PIK3CB: variants seen among roughly 807,000 people sequenced by gnomAD.
PIK3CB encodes the protein phosphatidylinositol 4,5-bisphosphate 3-kinase catalytic subunit beta isoform.
PIK3CB carries 39 observed loss-of-function variants against 136.8 expected under a neutral mutation model. The observed-to-expected ratio is 0.29, with a 90% CI of 0.22 to 0.37. PIK3CB has a LOEUF of 0.37. PIK3CB is among the 10% of genes least tolerant of loss of function. The pLI is 1.00. For synonymous variants in PIK3CB, 428 were observed against 436.6 expected (o/e 0.98, Z 0.25); for missense variants, 868 against 1,275.4 (o/e 0.68, Z 4.87).
At chr3:138,784,254 C>T (rs1204472292) in intron 2 of PIK3CB, among the ~76,000 whole-genome samples, 2 of 152,154 alleles carry the variant, frequency 1.3e-5, no homozygotes, top group African/African-American at 4.8e-5. Flanking sequence ...GGTGCAGTGG[C>T]ATGCACCTGT....
chr3:138,693,409 T>A (rs575886211), intron 14 of PIK3CB, among the ~76,000 whole-genome samples: 90 of 152,106 alleles, frequency 5.9e-4, no homozygotes, highest in Non-Finnish European at 7.9e-4. Context: ...TATTATTATT[T>A]TTTTTTGGAG....
At chr3:138,809,227 GA>G (rs1272115982) in intron 1 of PIK3CB, among the ~76,000 whole-genome samples, 91 of 151,258 alleles carry the variant, frequency 6.0e-4, no homozygotes, top group Non-Finnish European at 1.5e-5. Flanking sequence ...GCAGTGAACC[GA>G]GACTGCGCCA....
intron 8 of PIK3CB, among the ~76,000 whole-genome samples, chr3:138,715,855 T>G (rs942008137): frequency 6.6e-6 from 1 of 151,894 alleles, no homozygotes; most frequent in Non-Finnish European, 1.5e-5. Flanking sequence ...AAAAAAAAGA[T>G]GACTGACTTA....
At chr3:138,766,710 G>A (rs2045736717) in intron 2 of PIK3CB, among the ~76,000 whole-genome samples, 1 of 152,138 alleles carries the variant, frequency 6.6e-6, no homozygotes, top group Non-Finnish European at 1.5e-5. Context: ...CACATTCAAA[G>A]TATCAATTGA....
chr3:138,792,507 G>A (rs533848722), intron 2 of PIK3CB, among the ~76,000 whole-genome samples: 71 of 152,214 alleles, frequency 4.7e-4, no homozygotes, highest in African/African-American at 1.7e-3. Context: ...CCAAGTAGGC[G>A]GAACTGCAGG....
chr3:138,830,379 G>C (rs1933973081), intron 1 of PIK3CB, among the ~76,000 whole-genome samples: 1 of 151,944 alleles, frequency 6.6e-6, no homozygotes, highest in African/African-American at 2.4e-5. Context: ...GTGAAACCCT[G>C]TCTCTACTAA....
At chr3:138,805,932 G>A (rs1008335748) in intron 1 of PIK3CB, among the ~76,000 whole-genome samples, 19 of 151,528 alleles carry the variant, frequency 1.3e-4, no homozygotes, top group Non-Finnish European at 1.2e-4. Flanking sequence ...GTTTCACCAC[G>A]TTGGTCAGGA....
At chr3:138,662,176 AT>A (rs1358589378) in intron 21 of PIK3CB, among the ~76,000 whole-genome samples, 1 of 146,840 alleles carries the variant, frequency 6.8e-6, no homozygotes, top group Non-Finnish European at 1.5e-5. Flanking sequence ...TTAGTTACAT[AT>A]GTATACATGT....
intron 1 of PIK3CB, among the ~76,000 whole-genome samples, chr3:138,818,888 AG>A (rs1323364883): frequency 6.6e-6 from 1 of 152,226 alleles, no homozygotes. Context: ...GAGAAATAAA[AG>A]GAATATAACT....
intron 8 of PIK3CB, among the ~76,000 whole-genome samples, chr3:138,718,538 T>C (rs1011184027): frequency 3.9e-5 from 6 of 152,218 alleles, no homozygotes; most frequent in Admixed American, 1.3e-4. Flanking sequence ...CACTTGTCAA[T>C]TTTTGCTTTT....
Position 138,826,091 on chromosome 3 carries a change from T to C in PIK3CB, c.-122+8604A>G. 3.8e-6 allele frequency: 4 copies of C among 1,064,782 alleles called. No individual in the cohort carries two copies. In the East Asian group the frequency reaches 1.0e-4, roughly 27 times the overall value. 66.0% of individuals were successfully genotyped at this position (1,064,782 alleles called of 1,614,324 possible). A position where few individuals can be genotyped will look rare whatever the true frequency, so the allele number is the denominator to read the frequency against. ...GAAGGAAAAAGATTGATCACCATTCTAGTAAGAAGCTGGAAGATGGCCCTA... is the reference window on the plus strand; with the variant it reads ...GAAGGAAAAAGATTGATCACCATTCCAGTAAGAAGCTGGAAGATGGCCCTA... On this transcript the variant is annotated intron_variant, in intron 1 of 23. Transcript: ENST00000674063.
intron 10 of PIK3CB, among the ~76,000 whole-genome samples, chr3:138,708,059 T>A (rs2044414365): frequency 6.6e-6 from 1 of 152,128 alleles, no homozygotes; most frequent in African/African-American, 2.4e-5. Context: ...TCTTTTCTTA[T>A]ACTGACTGTA....
chr3:138,675,799 T>C (rs550597229), intron 19 of PIK3CB, among the ~76,000 whole-genome samples: 28 of 152,292 alleles, frequency 1.8e-4, no homozygotes, highest in African/African-American at 6.5e-4. Flanking sequence ...AAACTTATTA[T>C]TAATTTACAG....
rs1296137850 is a variant in PIK3CB at position 138,655,533 on chromosome 3, T to C, written c.3076-7A>G. 9 of 1,602,896 alleles carry C rather than the reference T, an allele frequency of 5.6e-6. No individual in the cohort carries two copies. In the East Asian group the frequency reaches 6.7e-5, roughly 12 times the overall value. On this transcript the variant is annotated splice_region_variant and splice_polypyrimidine_tract_variant and intron_variant, in intron 23 of 23. Transcript: ENST00000674063. ...TCCCTAATGCAAGAGAGTCCTAAAA[T>C]GGAAGGGGGAAAATATGATTTTATA...
chr3:138,686,831 T>C (rs768683307), intron 16 of PIK3CB, among the ~76,000 whole-genome samples: 1 of 152,162 alleles, frequency 6.6e-6, no homozygotes, highest in Non-Finnish European at 1.5e-5. Context: ...CACAGGAAAC[T>C]AGGAAGGACC....
chr3:138,805,447 G>C (rs2046223016), intron 1 of PIK3CB, among the ~76,000 whole-genome samples: 1 of 151,968 alleles, frequency 6.6e-6, no homozygotes, highest in Non-Finnish European at 1.5e-5. Context: ...GAGGTCGGCA[G>C]ATCACGAGGT....
intron 1 of PIK3CB, among the ~76,000 whole-genome samples, chr3:138,799,472 C>T (rs1378681536): frequency 6.6e-6 from 1 of 151,984 alleles, no homozygotes; most frequent in Non-Finnish European, 1.5e-5. Flanking sequence ...AATTAATCCG[C>T]ACCAGATCAA....
chr3:138,684,720 C>T lies in PIK3CB; in HGVS notation c.2220G>A (p.Glu740=). 2 of 1,613,772 alleles carry T rather than the reference C, an allele frequency of 1.2e-6. No individual in the cohort carries two copies. Among genetic ancestry groups the T allele is most frequent in the Non-Finnish European group, 1.7e-6 (2 of 1,179,714 alleles). ...TCTGTTTTAAACAGGTATGCATGGC[C>T]TCCTTCCCTTTGGCTCTGTTTAACT... ...AVKLNRAKGK[E]AMHTCLKQSA... Residue 740 remains glutamate (E), a synonymous_variant, in exon 17 of 24, where the codon GAG becomes GAA. Transcript: ENST00000674063.
At position 138,704,508 on chromosome 3, in the gene PIK3CB, T is replaced by C. The variant is rs890444974; in HGVS notation, c.1531-15A>G. On this transcript the variant is annotated splice_polypyrimidine_tract_variant and intron_variant, in intron 11 of 23. Transcript: ENST00000674063. ...TTTTCAATAATCTGTTTAAAAAAAT[T>C]AAAGAAAATGAATTTTGGCTCTCAT... 4 of 1,575,202 alleles carry C rather than the reference T, an allele frequency of 2.5e-6. No homozygotes were observed. The highest frequency in any genetic ancestry group is 2.7e-5 in the African/African-American group (2 of 74,166).
Sources: allele counts gnomAD v4.1 joint callset (sites outside exome capture counted in the v4.1 genomes callset), GRCh38; gene constraint gnomAD v4.1.1; transcripts MANE v1.5; gene names NCBI Gene and HGNC (gene_info 2026-07-23, HGNC 2026-07-21).